Variants in EXOSC10 observed in about 807,000 individuals in gnomAD.
EXOSC10 encodes exosome complex component 10.
In EXOSC10, 94 loss-of-function variants were observed where a neutral mutation model predicts 126.6. The ratio of observed to expected loss-of-function variants is 0.74; its 90% CI spans 0.63 to 0.88. EXOSC10 has a LOEUF of 0.88. Ranked by LOEUF, EXOSC10 falls within the 40% of genes least tolerant of loss-of-function variation. The pLI is 0.00. For missense variants in EXOSC10, 1,041 were observed against 1,100.5 expected (o/e 0.95, Z 0.77); for synonymous variants, 395 against 400.8 (o/e 0.99, Z 0.17).
At position 11,091,166 on chromosome 1, in the gene EXOSC10, C is replaced by A; in HGVS notation, c.491G>T (p.Gly164Val). 1 of 1,613,750 alleles carries A rather than the reference C, an allele frequency of 6.2e-7. No homozygotes were observed. ...GAAAGTTTCAGATTTTGCTTTTTTG[C>A]CATATTCTGCTGCCTATGATCAATG... is the stretch of plus-strand genomic sequence containing the variant. Reference protein sequence around the residue: ...SSWNRKAAEYGKKAKSETFRL... With the variant: ...SSWNRKAAEYVKKAKSETFRL... The change falls in exon 5 of 25, where the codon GGC (glycine) becomes GTC (valine). Residue 164 changes from glycine (G) to valine (V), a missense_variant. Transcript: ENST00000376936.
Position 11,082,779 on chromosome 1 carries a change from TAAG to T in EXOSC10, c.1186_1188del (p.Leu396del), listed in dbSNP as rs763805089. 2.5e-5 allele frequency: 41 copies of T among 1,614,224 alleles called. No homozygotes were observed. The highest frequency in any genetic ancestry group is 3.4e-5 in the Non-Finnish European group (40 of 1,180,038). On this transcript the variant is annotated inframe_deletion, in exon 10 of 25. Coordinates refer to ENST00000376936, the MANE Select transcript of EXOSC10 (RefSeq NM_001001998.3). ...TGATCGAGTGAGTGCCTGCCCAGGT[TAAG>T]AAGGCGTGCTGCCTGATGAGTATCA...
chr1:11,097,932 A>T, intron 2 of EXOSC10, 88 bp downstream of exon 2: 1 of 1,315,672 alleles, frequency 7.6e-7, no homozygotes, highest in Non-Finnish European at 9.9e-7. Context: ...GAAAATGTTT[A>T]AGGAAAAATA....
chr1:11,072,015 C>T, intron 20 of EXOSC10, 72 bp downstream of exon 20: 1 of 1,279,772 alleles, frequency 7.8e-7, no homozygotes, highest in Non-Finnish European at 1.1e-6. Flanking sequence ...GTATCTGGCA[C>T]TTGGCTGAAA....
intron 19 of EXOSC10, among the ~76,000 whole-genome samples, chr1:11,073,405 T>C (rs1639624349): frequency 6.6e-6 from 1 of 152,176 alleles, no homozygotes. Context: ...GTGCTGGGAT[T>C]ACAGGCGTGA....
In EXOSC10 at chr1:11,081,735, C is replaced by A. The variant is rs563029483; in HGVS notation, c.1281-497G>T. ...GTTTTTAGATTTTATCAATTTTTAT[C>A]TTTTATTTGGATTTTATCAGTCCAA... On this transcript the variant is annotated intron_variant, in intron 10 of 24. Coordinates refer to ENST00000376936, the MANE Select transcript of EXOSC10 (RefSeq NM_001001998.3). Among the ~76,000 whole-genome samples, 5 of 152,310 alleles carry A rather than the reference C, an allele frequency of 3.3e-5. No individual in the cohort carries two copies. The East Asian group carries it at 7.7e-4, about 24-fold the overall frequency.
chr1:11,089,421 C>T (rs886370927), intron 6 of EXOSC10, among the ~76,000 whole-genome samples: 3 of 149,936 alleles, frequency 2.0e-5, no homozygotes, highest in African/African-American at 7.4e-5. Context: ...ACCAGCCTGA[C>T]CAACATGATG....
intron 7 of EXOSC10, 42 bp from the exon 8 acceptor site, chr1:11,087,952 A>C (rs758722721): frequency 4.4e-6 from 6 of 1,352,294 alleles, no homozygotes; most frequent in Non-Finnish European, 5.3e-6. Flanking sequence ...GAATATAGAA[A>C]TCATCCCCCA....
At chr1:11,082,533 C>T (rs1195036131) in intron 10 of EXOSC10, 155 bp downstream of exon 10, 1 of 1,465,334 alleles carries the variant, frequency 6.8e-7, no homozygotes, top group Non-Finnish European at 9.0e-7. Context: ...AAATTTCCTA[C>T]CACTTTTACG....
chr1:11,095,038 G>C (rs574063003), intron 3 of EXOSC10, among the ~76,000 whole-genome samples: 5 of 151,866 alleles, frequency 3.3e-5, no homozygotes, highest in Non-Finnish European at 7.4e-5. Context: ...ATGACAAAAC[G>C]ATGTCTCTAC....
rs370914960 is a variant in EXOSC10, at chr1:11,083,925, A to G, written c.1090-1047T>C. Among the ~76,000 whole-genome samples, 3 of 152,156 alleles carry G rather than the reference A, an allele frequency of 2.0e-5. No homozygotes were observed. In the East Asian group the frequency reaches 5.8e-4, roughly 29 times the overall value. ...AGTTTACTGAGAATGATGATTTCCAATTTCATCCATGTCCCTACAAAGGAC... is the reference window on the plus strand; with the variant it reads ...AGTTTACTGAGAATGATGATTTCCAGTTTCATCCATGTCCCTACAAAGGAC... On this transcript the variant is annotated intron_variant, in intron 9 of 24. Coordinates refer to ENST00000376936, the MANE Select transcript of EXOSC10 (RefSeq NM_001001998.3).
intron 9 of EXOSC10, among the ~76,000 whole-genome samples, chr1:11,083,748 G>C (rs1320242830): frequency 1.3e-5 from 2 of 152,142 alleles, no homozygotes; most frequent in East Asian, 3.9e-4. Flanking sequence ...TCTAGCATTA[G>C]GTATATCTCC....
In EXOSC10 at chr1:11,069,605, C is replaced by T. The variant is rs776245730; in HGVS notation, c.2442G>A (p.Glu814=). ...ACTGGCTGTAGTCGTAAGGCGTAAA[C>T]TCTTTTTCTGGTGGCTCTGGGTCCT... ...KPKDPEPPEK[E]FTPYDYSQSD... Residue 814 remains glutamate, a synonymous_variant, in exon 22 of 25, where the codon GAG becomes GAA. Coordinates refer to ENST00000376936, the MANE Select transcript of EXOSC10 (RefSeq NM_001001998.3). 1 of 1,614,156 alleles carries T rather than the reference C, an allele frequency of 6.2e-7. No homozygotes were observed. The highest frequency in any genetic ancestry group is 2.2e-5 in the East Asian group (1 of 44,888).
chr1:11,071,712 G>GC (rs34741710), intron 20 of EXOSC10: 108,132 of 177,926 alleles, frequency 0.61, 36,597 homozygotes, highest in East Asian at 0.78. Flanking sequence ...TTCTCTACCC[G>GC]CTCTGCTCAT....
At chr1:11,076,978 G>T in intron 16 of EXOSC10, 30 bp from the exon 17 acceptor site, 3 of 1,551,678 alleles carry the variant, frequency 1.9e-6, no homozygotes, top group Non-Finnish European at 2.7e-6. Context: ...TAAGGTCAAA[G>T]CCTACAGAAT....
intron 24 of EXOSC10, among the ~76,000 whole-genome samples, chr1:11,067,514 G>C (rs1400897242): frequency 1.3e-5 from 2 of 151,794 alleles, no homozygotes; most frequent in African/African-American, 4.8e-5. Context: ...TGAGGTGAGA[G>C]ACTTGCTTGA....
intron 14 of EXOSC10, among the ~76,000 whole-genome samples, chr1:11,078,612 A>G (rs1188188605): frequency 2.0e-5 from 3 of 152,144 alleles, no homozygotes; most frequent in African/African-American, 7.2e-5. Flanking sequence ...ACTGGCTGCC[A>G]TTGTCAGCAT....
intron 9 of EXOSC10, 78 bp from the exon 10 acceptor site, chr1:11,082,956 AT>A: frequency 8.8e-7 from 1 of 1,139,082 alleles, no homozygotes; most frequent in Non-Finnish European, 1.3e-6. Flanking sequence ...CCTCTAGTTT[AT>A]TAGAACACTG....
chr1:11,071,726 G>C, intron 20 of EXOSC10: 1 of 193,650 alleles, frequency 5.2e-6, no homozygotes, highest in Non-Finnish European at 1.1e-5. Flanking sequence ...TGCTCATGCA[G>C]GCCCACTTGC....
intron 14 of EXOSC10, among the ~76,000 whole-genome samples, chr1:11,078,561 C>G (rs1639958855): frequency 6.6e-6 from 1 of 152,118 alleles, no homozygotes; most frequent in Non-Finnish European, 1.5e-5. Flanking sequence ...CCGGCTGACC[C>G]TGTTTCAAAA....
Sources: gnomAD v4.1 joint callset for allele counts (sites outside exome capture counted in the v4.1 genomes callset) on GRCh38, gnomAD v4.1.1 for gene constraint, MANE v1.5 for transcripts, NCBI Gene and HGNC (gene_info 2026-07-23, HGNC 2026-07-21) for gene names.